Variants in CNTNAP2 observed in about 807,000 individuals in gnomAD.
CNTNAP2 encodes the protein contactin associated protein 2.
A neutral mutation model predicts 155.2 loss-of-function variants in CNTNAP2; 98 were observed. The observed-to-expected ratio is 0.63, with a 90% CI of 0.54 to 0.75. The LOEUF (loss-of-function observed/expected upper bound fraction) is 0.75, where lower values mean the gene tolerates loss of function less well. CNTNAP2 is among the 30% of genes least tolerant of loss of function. The probability of loss-of-function intolerance (pLI) is 0.00; values close to 1 mark genes in which losing one functional copy is unlikely to be tolerated. For missense variants in CNTNAP2, 1,727 were observed against 1,688.1 expected (o/e 1.02, Z -0.40); for synonymous variants, 651 against 631.2 (o/e 1.03, Z -0.47).
At chr7:148,368,874 G>A (rs1798833345) in intron 21 of CNTNAP2, among the ~76,000 whole-genome samples, 2 of 152,162 alleles carry the variant, frequency 1.3e-5, no homozygotes, top group South Asian at 2.1e-4. Flanking sequence ...GGAGTCTATA[G>A]ATAACATCAG....
At chr7:146,343,985 A>G (rs1381952981) in intron 1 of CNTNAP2, among the ~76,000 whole-genome samples, 1 of 152,134 alleles carries the variant, frequency 6.6e-6, no homozygotes. Flanking sequence ...TCAAAATATC[A>G]TATTTGTGGA....
intron 1 of CNTNAP2, among the ~76,000 whole-genome samples, chr7:146,331,325 A>T (rs1345152524): frequency 6.6e-6 from 1 of 151,570 alleles, no homozygotes; most frequent in African/African-American, 2.4e-5. Flanking sequence ...AAATAAAAAT[A>T]ACCAACTATC....
At chr7:148,381,096 G>A (rs116383655) in intron 21 of CNTNAP2, among the ~76,000 whole-genome samples, 2,525 of 152,348 alleles carry the variant, frequency 0.017, 80 homozygotes, top group African/African-American at 0.057. Flanking sequence ...GCGCTTTTGA[G>A]CGCCAACAGG....
intron 1 of CNTNAP2, among the ~76,000 whole-genome samples, chr7:146,532,977 C>T (rs1423586939): frequency 6.6e-6 from 1 of 151,452 alleles, no homozygotes; most frequent in Admixed American, 6.6e-5. Flanking sequence ...TGGTGTGTGC[C>T]TGTAATCCCA....
chr7:147,455,402 G>A (rs1797903092), intron 10 of CNTNAP2, among the ~76,000 whole-genome samples: 4 of 152,124 alleles, frequency 2.6e-5, no homozygotes, highest in Middle Eastern at 3.4e-3. Flanking sequence ...TAAGTTGCTC[G>A]AGTTAACATA....
chr7:147,727,080 G>A (rs576321971), intron 13 of CNTNAP2, among the ~76,000 whole-genome samples: 1 of 151,898 alleles, frequency 6.6e-6, no homozygotes, highest in South Asian at 2.1e-4. Flanking sequence ...ATTATGTGCA[G>A]TTTTTAGTAT....
chr7:147,315,478 CT>C (rs3050776), intron 9 of CNTNAP2, among the ~76,000 whole-genome samples: 1,070 of 103,900 alleles, frequency 0.01, 7 homozygotes, highest in Non-Finnish European at 0.015. Context: ...TTATTCTGGA[CT>C]TTTTTTTTTT....
intron 12 of CNTNAP2, among the ~76,000 whole-genome samples, chr7:147,610,759 GAT>G (rs930065999): frequency 6.6e-6 from 1 of 152,078 alleles, no homozygotes; most frequent in Admixed American, 6.6e-5. Context: ...TTTGTTTTGA[GAT>G]AGAGTCTAGC....
At chr7:146,178,430 C>T (rs1020665057) in intron 1 of CNTNAP2, among the ~76,000 whole-genome samples, 3 of 152,200 alleles carry the variant, frequency 2.0e-5, no homozygotes, top group South Asian at 4.1e-4. Flanking sequence ...TCAGATTTAT[C>T]GAACATGCTA....
intron 1 of CNTNAP2, among the ~76,000 whole-genome samples, chr7:146,653,722 T>C (rs1392468383): frequency 6.6e-6 from 1 of 152,164 alleles, no homozygotes; most frequent in Non-Finnish European, 1.5e-5. Flanking sequence ...TTAGGAAGTA[T>C]TGGATGTTAT....
chr7:147,598,850 G>A lies in CNTNAP2; in HGVS notation c.1897+36593G>A, dbSNP rs569675282. ...TCATGAGAGCTGATGGTTTTATAAGGGGCTTTTCCCCCTTTGCTTGGCACT... is the reference window on the plus strand; with the variant it reads ...TCATGAGAGCTGATGGTTTTATAAGAGGCTTTTCCCCCTTTGCTTGGCACT... On this transcript the variant is annotated intron_variant, in intron 12 of 23. Transcript: ENST00000361727. 4.6e-5 allele frequency among the ~76,000 whole-genome samples: 7 copies of A among 152,104 alleles called. No homozygotes were observed. In the East Asian group the frequency reaches 1.4e-3, roughly 30 times the overall value.
Position 146,398,137 on chromosome 7 carries a change from G to A in CNTNAP2, c.97+281164G>A, listed in dbSNP as rs536638119. On this transcript the variant is annotated intron_variant, in intron 1 of 23. Transcript: ENST00000361727. ...TCCGCCTGCCTTAGCCTTCCAAAGT[G>A]CAGAGTGCAGGGACTATAGGTGTGA... 1.3e-3 allele frequency among the ~76,000 whole-genome samples: 194 copies of A among 150,044 alleles called. 1 individual carries two copies. Among genetic ancestry groups the A allele is most frequent in the African/African-American group, 4.6e-3 (188 of 40,602 alleles).
At position 146,979,468 on chromosome 7, in the gene CNTNAP2, C is replaced by A. The variant is rs145232623; in HGVS notation, c.403-64439C>A. ...TTGATACTCAAACTAAATAACAACA[C>A]CCTTGCCCCACAATTACATTTCATT... is the stretch of plus-strand genomic sequence containing the variant. On this transcript the variant is annotated intron_variant, in intron 3 of 23. Coordinates refer to ENST00000361727, the MANE Select transcript of CNTNAP2 (RefSeq NM_014141.6). Among the ~76,000 whole-genome samples the A allele has an allele frequency of 3.5e-3, 533 of 152,306 alleles. 7 individuals are homozygous for A. The highest frequency in any genetic ancestry group is 0.012 in the African/African-American group (484 of 41,570).
At chr7:147,867,353 C>T (rs918913525) in intron 13 of CNTNAP2, among the ~76,000 whole-genome samples, 2 of 152,076 alleles carry the variant, frequency 1.3e-5, no homozygotes, top group African/African-American at 2.4e-5. Context: ...GTGGGTAACC[C>T]GACCTTTCTT....
At position 147,635,827 on chromosome 7, in the gene CNTNAP2, G is replaced by A. The variant is rs1222382163; in HGVS notation, c.1898-3279G>A. ...CTTTAAAGAAGACATCAGGTTTGAAGGCTATTCCATCATGAGTCAAAGAAA... is the reference window on the plus strand; with the variant it reads ...CTTTAAAGAAGACATCAGGTTTGAAAGCTATTCCATCATGAGTCAAAGAAA... On this transcript the variant is annotated intron_variant, in intron 12 of 23. Coordinates refer to ENST00000361727, the MANE Select transcript of CNTNAP2 (RefSeq NM_014141.6). 9.2e-5 allele frequency among the ~76,000 whole-genome samples: 14 copies of A among 152,156 alleles called. 1 individual carries two copies. Among genetic ancestry groups the A allele is most frequent in the Admixed American group, 9.2e-4 (14 of 15,266 alleles).
Position 147,562,163 on chromosome 7 carries a change from C to T in CNTNAP2, c.1803C>T (p.Ala601=), listed in dbSNP as rs1800076260. ...HNSIYEPSCE[A]YKHLGQTSNY... ...CTATCTACGAGCCTTCCTGTGAAGC[C>T]TACAAACACCTAGGACAGACATCAA... Residue 601 remains alanine (A), a synonymous_variant, in exon 12 of 24, where the codon GCC becomes GCT. Coordinates refer to ENST00000361727, the MANE Select transcript of CNTNAP2 (RefSeq NM_014141.6). 1.2e-6 allele frequency: 2 copies of T among 1,613,858 alleles called. No homozygotes were observed. The highest frequency in any genetic ancestry group is 1.3e-5 in the African/African-American group (1 of 74,914).
At chr7:146,926,178 A>G (rs755541790) in intron 3 of CNTNAP2, among the ~76,000 whole-genome samples, 7 of 152,250 alleles carry the variant, frequency 4.6e-5, no homozygotes, top group Non-Finnish European at 8.8e-5. Context: ...TTATTAAATA[A>G]CTAACCATGA....
chr7:148,277,132 T>G (rs868810057), intron 21 of CNTNAP2, among the ~76,000 whole-genome samples: 23 of 145,528 alleles, frequency 1.6e-4, no homozygotes, highest in African/African-American at 6.1e-4. Flanking sequence ...GGCAGCAACA[T>G]GTCTAGCTTT....
intron 3 of CNTNAP2, among the ~76,000 whole-genome samples, chr7:146,988,244 T>A (rs1039212739): frequency 2.0e-5 from 3 of 152,108 alleles, no homozygotes; most frequent in Admixed American, 6.5e-5. Flanking sequence ...GAATATAACA[T>A]TTTTGAATTC....
Sources: allele counts gnomAD v4.1 joint callset (sites outside exome capture counted in the v4.1 genomes callset), GRCh38; gene constraint gnomAD v4.1.1; transcripts MANE v1.5; gene names NCBI Gene and HGNC (gene_info 2026-07-23, HGNC 2026-07-21).